The following NLRP4 variants were observed in gnomAD, a reference collection of about 807,000 sequenced individuals.
The protein encoded by NLRP4 is NACHT, LRR and PYD domains-containing protein 4.
Under a neutral mutation model 84.7 loss-of-function variants are expected in NLRP4, and 44 were observed. The observed-to-expected ratio is 0.52, with a 90% CI of 0.41 to 0.67. The LOEUF is 0.67. Ranked by LOEUF, NLRP4 falls within the 30% of genes least tolerant of loss-of-function variation. NLRP4 has a pLI of 0.00. For synonymous variants in NLRP4, 544 were observed against 476.4 expected (o/e 1.14, Z -1.85); for missense variants, 1,260 against 1,219.4 (o/e 1.03, Z -0.50).
rs1371221758 is a variant in NLRP4, at chr19:55,870,873, G to T, written c.2401G>T (p.Glu801Ter). Residue 801 changes from glutamate to a stop codon, truncating the protein, a stop_gained, in exon 7 of 10, where the codon GAA becomes TAA. Transcript: ENST00000301295. LOFTEE classifies it high-confidence loss of function. ...CGAGCAGTGCTGCGAATACATCTCTGAAATGCTTCTGCGTAACAAGAGCGT... is the reference window on the plus strand; with the variant it reads ...CGAGCAGTGCTGCGAATACATCTCTTAAATGCTTCTGCGTAACAAGAGCGT... ...LSEQCCEYIS[E>*]MLLRNKSVRY... 1 of 1,614,166 alleles carries T rather than the reference G, an allele frequency of 6.2e-7. No individual in the cohort carries two copies.
chr19:55,862,649 C>T lies in NLRP4; in HGVS notation c.2186+490C>T, dbSNP rs1340795905. Among the ~76,000 whole-genome samples, 26 of 83,962 alleles carry T rather than the reference C, an allele frequency of 3.1e-4. 2 individuals carry two copies. The Admixed American group carries it at 3.7e-3, about 12-fold the overall frequency. The allele number at this position is 83,962 out of a possible 152,430, so 55.1% of individuals were successfully genotyped here. A position where few individuals can be genotyped will look rare whatever the true frequency, so the allele number is the denominator to read the frequency against. On this transcript the variant is annotated intron_variant, in intron 5 of 9. Transcript: ENST00000301295. ...AGCGTAAGTCTCTGTTTATTGAGAC[C>T]ACTGATTGGGTTTCAGAGAAGACTA...
chr19:55,875,661 T>C (rs1202214723), intron 7 of NLRP4, among the ~76,000 whole-genome samples: 1 of 152,124 alleles, frequency 6.6e-6, no homozygotes, highest in African/African-American at 2.4e-5. Flanking sequence ...GGTGATTGAG[T>C]TGAACTTGAA....
intron 1 of NLRP4, among the ~76,000 whole-genome samples, chr19:55,841,054 GT>G (rs139183272): frequency 3.5e-4 from 54 of 152,222 alleles, no homozygotes; most frequent in African/African-American, 1.3e-3. Context: ...GGGATACAGT[GT>G]GATGTTTGGA....
At chr19:55,878,662 C>A in intron 8 of NLRP4, 132 bp from the exon 9 acceptor site, 3 of 693,454 alleles carry the variant, frequency 4.3e-6, no homozygotes. Context: ...GATCTGAGGT[C>A]GTAAACACTG....
intron 1 of NLRP4, among the ~76,000 whole-genome samples, chr19:55,848,987 T>C (rs1983913200): frequency 6.6e-6 from 1 of 152,148 alleles, no homozygotes; most frequent in Non-Finnish European, 1.5e-5. Flanking sequence ...TCCCCCATGA[T>C]TGTGAGGCCT....
chr19:55,857,435 G>A (rs552011745), intron 2 of NLRP4: 8 of 497,404 alleles, frequency 1.6e-5, no homozygotes, highest in Non-Finnish European at 2.5e-5. Context: ...TGAGTCATAC[G>A]GTCTCTCATA....
intron 9 of NLRP4, among the ~76,000 whole-genome samples, chr19:55,879,315 A>C (rs1985498938): frequency 6.6e-6 from 1 of 152,174 alleles, no homozygotes; most frequent in East Asian, 1.9e-4. Context: ...AAGAAAGAAG[A>C]GCTGTCTGCT....
In NLRP4 at chr19:55,867,605, T is replaced by C; in HGVS notation, c.2187-104T>C. ...ACAGGGTTGGGAGGCAGTGAGCCTC[T>C]CAAGGACAGCAAATGTGGGCTTCCC... On this transcript the variant is annotated intron_variant, in intron 5 of 9. Transcript: ENST00000301295. 2.9e-6 allele frequency: 3 copies of C among 1,039,722 alleles called. No homozygotes were observed. In the South Asian group the frequency reaches 4.3e-5, roughly 15 times the overall value. The allele number at this position is 1,039,722 out of a possible 1,614,324, so 64.4% of individuals were successfully genotyped here. A position where few individuals can be genotyped will look rare whatever the true frequency, so the allele number is the denominator to read the frequency against.
intron 6 of NLRP4, among the ~76,000 whole-genome samples, chr19:55,868,881 A>G (rs973553837): frequency 3.3e-5 from 5 of 152,176 alleles, no homozygotes; most frequent in African/African-American, 1.2e-4. Flanking sequence ...AACAACATGA[A>G]AGTAAGAGTA....
At chr19:55,839,513 C>T (rs1017442019) in intron 1 of NLRP4, among the ~76,000 whole-genome samples, 1 of 148,802 alleles carries the variant, frequency 6.7e-6, no homozygotes, top group Non-Finnish European at 1.5e-5. Context: ...AAACTTCACA[C>T]ACACAAAATA....
intron 6 of NLRP4, among the ~76,000 whole-genome samples, chr19:55,869,740 T>C (rs931223099): frequency 5.9e-5 from 9 of 151,960 alleles, no homozygotes; most frequent in Non-Finnish European, 1.2e-4. Context: ...GCTTTTTTGT[T>C]TTTCTCTACT....
chr19:55,844,170 C>T (rs1488490219), intron 1 of NLRP4, among the ~76,000 whole-genome samples: 1 of 152,104 alleles, frequency 6.6e-6, no homozygotes, highest in Non-Finnish European at 1.5e-5. Context: ...TCAGTTTATT[C>T]CTCTCTATTA....
chr19:55,875,640 T>C (rs1600243198), intron 7 of NLRP4, among the ~76,000 whole-genome samples: 3 of 152,188 alleles, frequency 2.0e-5, no homozygotes, highest in East Asian at 3.8e-4. Flanking sequence ...GAAAATGCGA[T>C]GTTTTTGTTT....
Position 55,850,104 on chromosome 19 carries a change from A to G in NLRP4, c.-65-1912A>G, listed in dbSNP as rs1448385897. Among the ~76,000 whole-genome samples the G allele has an allele frequency of 1.1e-3, 119 of 109,190 alleles. 9 individuals are homozygous for G. Among genetic ancestry groups the G allele is most frequent in the African/African-American group, 2.3e-3 (39 of 17,182 alleles). The allele number at this position is 109,190 out of a possible 152,430, so 71.6% of individuals were successfully genotyped here. On this transcript the variant is annotated intron_variant, in intron 1 of 9. Transcript: ENST00000301295. ...GGTGTAATTTCCGTGGCTGCGGTGT[A>G]ATTACCGTAGCTGCGGTGTAATTTC...
intron 1 of NLRP4, among the ~76,000 whole-genome samples, chr19:55,843,361 T>A (rs904046377): frequency 6.6e-6 from 1 of 152,152 alleles, no homozygotes; most frequent in Non-Finnish European, 1.5e-5. Flanking sequence ...TTGGGCTTCT[T>A]AATTAGTAGA....
intron 8 of NLRP4, among the ~76,000 whole-genome samples, chr19:55,877,854 A>G (rs1001882209): frequency 3.4e-4 from 52 of 152,308 alleles, no homozygotes; most frequent in Admixed American, 1.5e-3. Context: ...AATTGCCTCT[A>G]TAAAGACCTT....
intron 9 of NLRP4, among the ~76,000 whole-genome samples, chr19:55,880,959 ATTAACT>A (rs765274641): frequency 3.3e-5 from 5 of 152,218 alleles, no homozygotes; most frequent in Non-Finnish European, 5.9e-5. Flanking sequence ...AATGGAAACT[ATTAACT>A]TTATCTTTGA....
In NLRP4 at chr19:55,859,252, G is replaced by C; in HGVS notation, c.1856+3G>C. The C allele has an allele frequency of 6.3e-7, 1 of 1,585,972 alleles. No individual in the cohort carries two copies. The highest frequency in any genetic ancestry group is 1.1e-5 in the South Asian group (1 of 88,254). On this transcript the variant is annotated splice_donor_region_variant and intron_variant, in intron 3 of 9. Coordinates refer to ENST00000301295, the MANE Select transcript of NLRP4 (RefSeq NM_134444.5). Reference sequence around the variant, plus strand: ...AAAGAGGATGAACACAGCTCTACGTGAGTCCATCCTATGACTTTTTCTCTC... The same window carrying C: ...AAAGAGGATGAACACAGCTCTACGTCAGTCCATCCTATGACTTTTTCTCTC...
chr19:55,875,517 A>C (rs550389022), intron 7 of NLRP4, among the ~76,000 whole-genome samples: 1 of 152,350 alleles, frequency 6.6e-6, no homozygotes, highest in East Asian at 1.9e-4. Flanking sequence ...TTTTATAGAG[A>C]ATATGATCAA....
Sources: allele counts gnomAD v4.1 joint callset (sites outside exome capture counted in the v4.1 genomes callset), GRCh38; gene constraint gnomAD v4.1.1; transcripts MANE v1.5; gene names NCBI Gene and HGNC (gene_info 2026-07-23, HGNC 2026-07-21).